The following TLL1 variants were observed in gnomAD, a reference collection of about 807,000 sequenced individuals.
TLL1 encodes tolloid-like protein 1.
In TLL1, 49 loss-of-function variants were observed where a neutral mutation model predicts 128.2. The observed-to-expected ratio is 0.38, with a 90% CI of 0.30 to 0.48. TLL1 has a LOEUF of 0.48. TLL1 is among the 20% of genes least tolerant of loss of function. The probability of loss-of-function intolerance (pLI) is 0.96; values close to 1 mark genes in which losing one functional copy is unlikely to be tolerated. For synonymous variants in TLL1, 454 were observed against 418.8 expected (o/e 1.08, Z -1.03); for missense variants, 1,123 against 1,242.0 (o/e 0.90, Z 1.44).
intron 16 of TLL1, among the ~76,000 whole-genome samples, chr4:166,072,011 G>A (rs1236047903): frequency 6.6e-6 from 1 of 151,892 alleles, no homozygotes; most frequent in Non-Finnish European, 1.5e-5. Context: ...ATTATTTTGA[G>A]TATTCCAATG....
chr4:165,874,426 T>G (rs1314274481), intron 1 of TLL1, among the ~76,000 whole-genome samples: 2 of 152,174 alleles, frequency 1.3e-5, no homozygotes, highest in African/African-American at 2.4e-5. Context: ...GCGGGCTTTA[T>G]GCATATGGAA....
At chr4:165,920,963 TA>T (rs2110888341) in intron 1 of TLL1, among the ~76,000 whole-genome samples, 1 of 152,360 alleles carries the variant, frequency 6.6e-6, no homozygotes, top group South Asian at 2.1e-4. Context: ...GTTTTACAAA[TA>T]GTACTTTCCT....
intron 1 of TLL1, among the ~76,000 whole-genome samples, chr4:165,895,570 A>G (rs1270425045): frequency 4.1e-5 from 6 of 144,710 alleles, no homozygotes; most frequent in South Asian, 2.3e-4. Context: ...GTTAGAGACA[A>G]TGTTCTCTAA....
At chr4:165,900,676 C>T (rs1007443902) in intron 1 of TLL1, among the ~76,000 whole-genome samples, 3 of 152,078 alleles carry the variant, frequency 2.0e-5, no homozygotes, top group South Asian at 2.1e-4. Context: ...CATTTTTTTC[C>T]GTCATTTCAA....
chr4:166,024,541 G>A (rs1382864016), intron 8 of TLL1, among the ~76,000 whole-genome samples: 1 of 152,160 alleles, frequency 6.6e-6, no homozygotes, highest in Non-Finnish European at 1.5e-5. Flanking sequence ...TCTCTTGCAA[G>A]AGCAACAGGG....
chr4:166,052,953 AAGAGGT>A lies in TLL1; in HGVS notation c.1525-2122_1525-2117del, dbSNP rs1196219608. ...AAGGGATTAAATTAAAGACTGAGAT[AAGAGGT>A]TATGTGTATATATATATATATATTT... On this transcript the variant is annotated intron_variant, in intron 12 of 20. Transcript: ENST00000061240. Among the ~76,000 whole-genome samples, 200 of 134,330 alleles carry A rather than the reference AAGAGGT, an allele frequency of 1.5e-3. 3 individuals are homozygous for A. Among genetic ancestry groups the A allele is most frequent in the African/African-American group, 5.7e-3 (192 of 33,608 alleles). The allele number at this position is 134,330 out of a possible 152,430, so 88.1% of individuals were successfully genotyped here.
chr4:165,974,496 T>C (rs1174242373), intron 1 of TLL1, among the ~76,000 whole-genome samples: 1 of 152,198 alleles, frequency 6.6e-6, no homozygotes. Context: ...TTTTGTATAT[T>C]ACCGAGAAGG....
chr4:165,919,927 G>A, intron 1 of TLL1: 1 of 440,462 alleles, frequency 2.3e-6, no homozygotes. Context: ...CATGAGGGGA[G>A]GTCAGAGTCA....
intron 16 of TLL1, among the ~76,000 whole-genome samples, chr4:166,066,824 A>G (rs1025672655): frequency 1.3e-5 from 2 of 151,762 alleles, no homozygotes; most frequent in Admixed American, 6.6e-5. Flanking sequence ...CCCAGGTTAA[A>G]TGACCTTTTA....
In TLL1 at chr4:166,025,265, A is replaced by T. The variant is rs573205105; in HGVS notation, c.1043-51A>T. ...CTTCATGGCTTTGTTTATGATATTCACGTATTTTATATAAATTAACCAATG... is the reference window on the plus strand; with the variant it reads ...CTTCATGGCTTTGTTTATGATATTCTCGTATTTTATATAAATTAACCAATG... On this transcript the variant is annotated intron_variant, in intron 8 of 20. Coordinates refer to ENST00000061240, the MANE Select transcript of TLL1 (RefSeq NM_012464.5). 3.1e-6 allele frequency: 4 copies of T among 1,308,602 alleles called. No individual in the cohort carries two copies. In the African/African-American group the frequency reaches 5.8e-5, roughly 19 times the overall value. The allele number at this position is 1,308,602 out of a possible 1,614,324, so 81.1% of individuals were successfully genotyped here.
At chr4:165,974,373 C>G (rs1735777361) in intron 1 of TLL1, among the ~76,000 whole-genome samples, 1 of 149,924 alleles carries the variant, frequency 6.7e-6, no homozygotes, top group Admixed American at 6.6e-5. Context: ...ATCTCCTGAC[C>G]TCGTGATCCG....
chr4:166,051,394 T>C (rs115356306), intron 12 of TLL1, among the ~76,000 whole-genome samples: 4,171 of 151,690 alleles, frequency 0.027, 220 homozygotes, highest in African/African-American at 0.096. Flanking sequence ...TCATCGCCTT[T>C]GGTGTTCTTT....
In TLL1 at chr4:166,084,826, C is replaced by T. The variant is rs572113114; in HGVS notation, c.2443-6302C>T. ...ATATCAGGTATTAGGATGATTCTAA[C>T]TTTGGTTTTTTTGTTCTTAGGTTTT... is the stretch of plus-strand genomic sequence containing the variant. On this transcript the variant is annotated intron_variant, in intron 18 of 20. Transcript: ENST00000061240. Among the ~76,000 whole-genome samples, 3 of 151,922 alleles carry T rather than the reference C, an allele frequency of 2.0e-5. No individual in the cohort carries two copies. In the East Asian group the frequency reaches 5.8e-4, roughly 29 times the overall value.
chr4:165,933,324 GTGT>G (rs1189623314), intron 1 of TLL1, among the ~76,000 whole-genome samples: 1 of 152,072 alleles, frequency 6.6e-6, no homozygotes, highest in Non-Finnish European at 1.5e-5. Flanking sequence ...TCAGATCTGA[GTGT>G]TGTTCCCCAG....
intron 1 of TLL1, among the ~76,000 whole-genome samples, chr4:165,896,085 C>T (rs1731663209): frequency 6.6e-6 from 1 of 152,042 alleles, no homozygotes; most frequent in African/African-American, 2.4e-5. Context: ...CCTCCTCTAA[C>T]CCCCTACCCC....
chr4:165,955,515 A>G (rs963513837), intron 1 of TLL1, among the ~76,000 whole-genome samples: 12 of 152,090 alleles, frequency 7.9e-5, no homozygotes, highest in African/African-American at 2.9e-4. Context: ...TCAATGAGAA[A>G]GAAAAAATTA....
chr4:165,916,634 G>T (rs933880272), intron 1 of TLL1, among the ~76,000 whole-genome samples: 8 of 152,142 alleles, frequency 5.3e-5, no homozygotes, highest in Admixed American at 3.9e-4. Context: ...TTTGCTGCAT[G>T]ATTGAAAACT....
At position 166,077,848 on chromosome 4, in the gene TLL1, G is replaced by A. The variant is rs150513901; in HGVS notation, c.2315-55G>A. 1.2e-4 allele frequency: 196 copies of A among 1,609,662 alleles called. No homozygotes were observed. In the African/African-American group the frequency reaches 2.2e-3, roughly 18 times the overall value. The stretch of plus-strand genomic sequence containing the variant: ...TGGGTAAATAGGCTGCTTGCTTTCT[G>A]CCTCAAACCTGGGCTGGATTGCCAC... On this transcript the variant is annotated intron_variant, in intron 17 of 20. Coordinates refer to ENST00000061240, the MANE Select transcript of TLL1 (RefSeq NM_012464.5).
chr4:166,081,524 A>T (rs1389868515), intron 18 of TLL1, among the ~76,000 whole-genome samples: 2 of 152,116 alleles, frequency 1.3e-5, no homozygotes, highest in African/African-American at 4.8e-5. Flanking sequence ...TCGTATCTGC[A>T]GTTTCCGTTA....
Sources: gnomAD v4.1 joint callset for allele counts (sites outside exome capture counted in the v4.1 genomes callset) on GRCh38, gnomAD v4.1.1 for gene constraint, MANE v1.5 for transcripts, NCBI Gene and HGNC (gene_info 2026-07-23, HGNC 2026-07-21) for gene names.